TUBB6: variants seen among roughly 807,000 people sequenced by gnomAD.
TUBB6 encodes the protein tubulin beta 6 class V.
A neutral mutation model predicts 32.3 loss-of-function variants in TUBB6; 18 were observed. That is an observed-to-expected ratio of 0.56 (90% CI 0.39 to 0.83). The LOEUF is 0.83. Among genes scored for constraint, TUBB6 ranks in the 40% least tolerant of loss-of-function variants. The probability of loss-of-function intolerance (pLI) is 0.00; values close to 1 mark genes in which losing one functional copy is unlikely to be tolerated. For synonymous variants in TUBB6, 280 were observed against 265.8 expected (o/e 1.05, Z -0.52); for missense variants, 480 against 632.0 (o/e 0.76, Z 2.58).
chr18:12,307,947 G>A (rs1906072906), upstream of TUBB6: 4 of 152,104 alleles, frequency 2.6e-5, no homozygotes, highest in African/African-American at 9.7e-5. Context: ...CCCGACGCCA[G>A]GGCCCGACTC....
At chr18:12,313,489 G>A (rs1391240028) in intron 3 of TUBB6, among the ~76,000 whole-genome samples, 1 of 152,176 alleles carries the variant, frequency 6.6e-6, no homozygotes, top group African/African-American at 2.4e-5. Flanking sequence ...TAGACTTTGA[G>A]TGCTAAAACT....
chr18:12,325,618 G>C lies in TUBB6; in HGVS notation c.829G>C (p.Gly277Arg), dbSNP rs1368224828. 2 of 1,613,810 alleles carry C rather than the reference G, an allele frequency of 1.2e-6. No homozygotes were observed. The highest frequency in any genetic ancestry group is 1.7e-6 in the Non-Finnish European group (2 of 1,179,932). ...MPGFAPLTSR[G>R]SQQYRALTVP... The stretch of plus-strand genomic sequence containing the variant: ...TGGCTTCGCGCCGCTCACCAGCCGC[G>C]GCAGCCAGCAGTACCGGGCCCTGAC... Residue 277 changes from glycine (G) to arginine (R), a missense_variant, in exon 4 of 4, where the codon GGC becomes CGC. By Grantham distance (125) the Gly-to-Arg change is moderately radical. Coordinates refer to ENST00000317702, the MANE Select transcript of TUBB6 (RefSeq NM_032525.3).
In TUBB6 at chr18:12,308,321, G is replaced by A; in HGVS notation, c.29G>A (p.Gly10Asp). 2.0e-6 allele frequency: 3 copies of A among 1,482,280 alleles called. No individual in the cohort carries two copies. Among genetic ancestry groups the A allele is most frequent in the East Asian group, 2.9e-5 (1 of 33,922 alleles). 91.8% of individuals were successfully genotyped at this position (1,482,280 alleles called of 1,614,324 possible). A position where few individuals can be genotyped will look rare whatever the true frequency, so the allele number is the denominator to read the frequency against. The part of the protein sequence containing the change: MREIVHIQA[G>D]QCGNQIGTKF... ...AGGGAGATCGTGCACATCCAGGCGG[G>A]CCAGTGCGGGAACCAGATCGGCACC... The change falls in exon 1 of 4, where the codon GGC (glycine) becomes GAC (aspartate). Residue 10 changes from glycine to aspartate, a missense_variant. Transcript: ENST00000317702.
Position 12,326,107 on chromosome 18 carries a change from G to C in TUBB6, c.1318G>C (p.Glu440Gln). The change falls in exon 4 of 4, where the codon GAG becomes CAG. Residue 440 changes from glutamate to glutamine, a missense_variant. By Grantham distance (29) the Glu-to-Gln change is conservative (BLOSUM62 2). Transcript: ENST00000317702. ...TGACGGGGAGGAAGCTTTTGAGGAT[G>C]AGGAAGAGGAGATCGATGGATAGTC... ...ANDGEEAFED[E>Q]EEEIDG 1 of 1,613,572 alleles carries C rather than the reference G, an allele frequency of 6.2e-7. No individual in the cohort carries two copies. The highest frequency in any genetic ancestry group is 8.5e-7 in the Non-Finnish European group (1 of 1,179,610).
chr18:12,321,903 C>T (rs1198876692), intron 3 of TUBB6, among the ~76,000 whole-genome samples: 2 of 152,024 alleles, frequency 1.3e-5, no homozygotes, highest in Non-Finnish European at 2.9e-5. Flanking sequence ...TTTAGTAAGT[C>T]TTGGTTAAGC....
At chr18:12,319,437 C>T (rs190113675) in intron 3 of TUBB6, among the ~76,000 whole-genome samples, 6 of 152,054 alleles carry the variant, frequency 3.9e-5, no homozygotes, top group Admixed American at 6.5e-5. Context: ...TGAGCCACCG[C>T]GCCCGGCCCT....
Position 12,325,518 on chromosome 18 carries a change from G to T in TUBB6, c.729G>T (p.Pro243=). ...MSGVTTSLRF[P]GQLNADLRKL... is the part of the protein sequence containing the mutation. ...GGGTCACCACCTCGCTGCGCTTCCC[G>T]GGCCAGCTCAATGCTGACCTGCGCA... The change falls in exon 4 of 4, where the codon CCG becomes CCT. Residue 243 remains proline, a synonymous_variant. Transcript: ENST00000317702. 1 of 1,614,190 alleles carries T rather than the reference G, an allele frequency of 6.2e-7. No individual in the cohort carries two copies. The highest frequency in any genetic ancestry group is 8.5e-7 in the Non-Finnish European group (1 of 1,180,042).
In TUBB6 at chr18:12,308,807, G is replaced by C. The variant is rs1389513940; in HGVS notation, c.166+12G>C. On this transcript the variant is annotated intron_variant, in intron 2 of 3. Transcript: ENST00000317702. ...CAATGAGTCATCGTGTGAGTAGCAA[G>C]GCCGCCGCGCCCTGCCCGGCCGGGA... is the stretch of plus-strand genomic sequence containing the variant. The C allele has an allele frequency of 6.5e-7, 1 of 1,549,656 alleles. No homozygotes were observed. Among genetic ancestry groups the C allele is most frequent in the Admixed American group, 1.7e-5 (1 of 59,874 alleles).
At chr18:12,328,927 TAAATAGGG>T (rs1907420167), downstream of TUBB6, 2 of 474,778 alleles carry the variant, frequency 4.2e-6, no homozygotes, top group African/African-American at 3.9e-5. Context: ...ATCCAGAGCA[TAAATAGGG>T]ACCCTATGTG....
At position 12,316,956 on chromosome 18, in the gene TUBB6, C is replaced by T. The variant is rs563123874; in HGVS notation, c.277+5903C>T. Among the ~76,000 whole-genome samples the T allele has an allele frequency of 3.5e-4, 53 of 151,994 alleles. 1 individual carries two copies. The highest frequency in any genetic ancestry group is 1.2e-3 in the African/African-American group (49 of 41,448). ...GGCAGATCATCTGAGGTCAGGAGTT[C>T]GAGACCAGCCTGGCCAACATGGTGA... On this transcript the variant is annotated intron_variant, in intron 3 of 3. Transcript: ENST00000317702.
At chr18:12,324,900 C>T (rs1407012636) in intron 3 of TUBB6, 167 bp from the exon 4 acceptor site, 1 of 1,441,828 alleles carries the variant, frequency 6.9e-7, no homozygotes, top group African/African-American at 1.4e-5. Flanking sequence ...AAAAACGTAC[C>T]AGTGCATCTG....
intron 2 of TUBB6, among the ~76,000 whole-genome samples, chr18:12,310,016 T>C (rs1906273887): frequency 6.6e-6 from 1 of 152,054 alleles, no homozygotes; most frequent in African/African-American, 2.4e-5. Context: ...GCTAAAGTTG[T>C]AAAACTTCCT....
At position 12,320,091 on chromosome 18, in the gene TUBB6, A is replaced by G. The variant is rs189130188; in HGVS notation, c.278-4976A>G. ...GCGTGAGCCACCGTGCCCAGCCAAA[A>G]AAATGTTTTTTTAATTGTCCCAGCT... is the stretch of plus-strand genomic sequence containing the variant. On this transcript the variant is annotated intron_variant, in intron 3 of 3. Coordinates refer to ENST00000317702, the MANE Select transcript of TUBB6 (RefSeq NM_032525.3). Among the ~76,000 whole-genome samples the G allele has an allele frequency of 3.2e-3, 488 of 152,006 alleles. 3 individuals are homozygous for G. The highest frequency in any genetic ancestry group is 0.011 in the African/African-American group (465 of 41,460).
At chr18:12,317,167 A>G (rs1189481945) in intron 3 of TUBB6, among the ~76,000 whole-genome samples, 3 of 151,940 alleles carry the variant, frequency 2.0e-5, no homozygotes, top group East Asian at 1.9e-4. Context: ...AAAAAAAAAA[A>G]AAAGAAAACT....
intron 3 of TUBB6, among the ~76,000 whole-genome samples, chr18:12,322,474 C>T (rs1000430022): frequency 6.6e-6 from 1 of 151,966 alleles, no homozygotes; most frequent in Non-Finnish European, 1.5e-5. Context: ...CCCACCTCAG[C>T]CTCCCGAGTA....
chr18:12,325,410 C>G lies in TUBB6; in HGVS notation c.621C>G (p.Leu207=), dbSNP rs780101902. 6.2e-7 allele frequency: 1 copy of G among 1,614,240 alleles called. No individual in the cohort carries two copies. Among genetic ancestry groups the G allele is most frequent in the South Asian group, 1.1e-5 (1 of 91,092 alleles). ...DETYCIDNEA[L]YDICFRTLKL... is the part of the protein sequence containing the mutation. The stretch of plus-strand genomic sequence containing the variant: ...CCTACTGCATCGACAACGAGGCGCT[C>G]TATGACATCTGCTTCCGCACTCTGA... The change falls in exon 4 of 4, where the codon CTC becomes CTG. Residue 207 remains leucine, a synonymous_variant. Coordinates refer to ENST00000317702, the MANE Select transcript of TUBB6 (RefSeq NM_032525.3).
rs773070706 is a variant in TUBB6, at chr18:12,326,274, A to G, written c.*144A>G. 3.2e-6 allele frequency: 4 copies of G among 1,248,198 alleles called. No homozygotes were observed. The highest frequency in any genetic ancestry group is 4.3e-6 in the Non-Finnish European group (4 of 927,756). The allele number at this position is 1,248,198 out of a possible 1,614,324, so 77.3% of individuals were successfully genotyped here. ...CTCACAAATGCAGCCAAGTCATGTA[A>G]TTAGTCATCTGGAACAAAGACTAAA... On this transcript the variant is annotated 3_prime_UTR_variant, in exon 4 of 4. Transcript: ENST00000317702.
chr18:12,328,922 G>C, downstream of TUBB6: 1 of 452,480 alleles, frequency 2.2e-6, no homozygotes, highest in East Asian at 3.4e-5. Flanking sequence ...AAAATATCCA[G>C]AGCATAAATA....
chr18:12,308,221 G>C, upstream of TUBB6: 2 of 1,181,246 alleles, frequency 1.7e-6, no homozygotes, highest in Non-Finnish European at 2.1e-6. Flanking sequence ...TCGGCCCCGG[G>C]ACGCGCGCAG....
Sources: gnomAD v4.1 joint callset for allele counts (sites outside exome capture counted in the v4.1 genomes callset) on GRCh38, gnomAD v4.1.1 for gene constraint, MANE v1.5 for transcripts, NCBI Gene and HGNC (gene_info 2026-07-23, HGNC 2026-07-21) for gene names.